EFCAB6: variants seen among roughly 807,000 people sequenced by gnomAD.
The protein encoded by EFCAB6 is EF-hand calcium binding domain 6.
A neutral mutation model predicts 169.8 loss-of-function variants in EFCAB6; 156 were observed. The observed-to-expected ratio is 0.92, with a 90% confidence interval of 0.81 to 1.05. EFCAB6 has a LOEUF of 1.05. Ranked by LOEUF, EFCAB6 falls within the 50% of genes least tolerant of loss-of-function variation. The probability of loss-of-function intolerance (pLI) is 0.00; values close to 1 mark genes in which losing one functional copy is unlikely to be tolerated. For synonymous variants in EFCAB6, 698 were observed against 676.4 expected (o/e 1.03, Z -0.50); for missense variants, 1,800 against 1,829.1 (o/e 0.98, Z 0.29).
Position 43,678,044 on chromosome 22 carries a change from T to C in EFCAB6, c.1371A>G (p.Gly457=), listed in dbSNP as rs1292545084. 6.2e-7 allele frequency: 1 copy of C among 1,614,112 alleles called. No individual in the cohort carries two copies. The part of the protein sequence containing the change: ...LMQMLDPGDT[G]VVNTSMFIDL... ...CAATAAACATGCTGGTGTTGACCAC[T>C]CCAGTGTCCCCAGGGTCAAGCATTT... Residue 457 remains glycine (G), a synonymous_variant, in exon 13 of 32, where the codon GGA becomes GGG. Coordinates refer to ENST00000262726, the MANE Select transcript of EFCAB6 (RefSeq NM_022785.4).
intron 26 of EFCAB6, among the ~76,000 whole-genome samples, chr22:43,557,609 T>C (rs528155466): frequency 6.4e-4 from 98 of 152,298 alleles, no homozygotes; most frequent in Admixed American, 1.2e-3. Context: ...CCTTAAGGGA[T>C]AGATAATTTT....
At chr22:43,705,226 A>G (rs2147312011) in intron 10 of EFCAB6, among the ~76,000 whole-genome samples, 1 of 152,292 alleles carries the variant, frequency 6.6e-6, no homozygotes, top group Non-Finnish European at 1.5e-5. Flanking sequence ...TAAATATATA[A>G]AGCAAATATT....
At chr22:43,716,399 A>C (rs2059334146) in intron 9 of EFCAB6, among the ~76,000 whole-genome samples, 1 of 152,108 alleles carries the variant, frequency 6.6e-6, no homozygotes, top group African/African-American at 2.4e-5. Context: ...ATATTGTCTT[A>C]ATTATTATGT....
At chr22:43,739,789 C>T (rs1374867303) in intron 6 of EFCAB6, among the ~76,000 whole-genome samples, 5 of 152,158 alleles carry the variant, frequency 3.3e-5, no homozygotes, top group African/African-American at 7.2e-5. Flanking sequence ...ACCCCCACCC[C>T]GCTTCTCCCC....
At position 43,784,582 on chromosome 22, in the gene EFCAB6, C is replaced by CAT. The variant is rs1268061914; in HGVS notation, c.-7-2259_-7-2258dup. ...ACACATATATATGTGTACATATACA[C>CAT]ATATATATGTATATATACACATATA... On this transcript the variant is annotated intron_variant, in intron 2 of 31. Transcript: ENST00000262726. Among the ~76,000 whole-genome samples, 539 of 59,142 alleles carry CAT rather than the reference C, an allele frequency of 9.1e-3. 45 individuals carry two copies. Among genetic ancestry groups the CAT allele is most frequent in the African/African-American group, 0.034 (497 of 14,462 alleles). 38.8% of individuals were successfully genotyped at this position (59,142 alleles called of 152,430 possible).
intron 11 of EFCAB6, 82 bp from the exon 12 acceptor site, chr22:43,683,937 C>G (rs1196394443): frequency 2.9e-6 from 3 of 1,038,106 alleles, no homozygotes; most frequent in South Asian, 2.7e-5. Flanking sequence ...AACAAGCACC[C>G]TCACCACAAT....
chr22:43,547,407 T>C (rs866915569), intron 27 of EFCAB6, among the ~76,000 whole-genome samples: 2 of 152,294 alleles, frequency 1.3e-5, no homozygotes, highest in Non-Finnish European at 1.5e-5. Flanking sequence ...AATAGATATA[T>C]AATTTCCAAA....
intron 8 of EFCAB6, among the ~76,000 whole-genome samples, chr22:43,727,918 T>G (rs1249531782): frequency 6.6e-6 from 1 of 152,128 alleles, no homozygotes; most frequent in Non-Finnish European, 1.5e-5. Flanking sequence ...AATTATACTT[T>G]AAGTTCTAGG....
At chr22:43,720,267 C>T (rs1008052257) in intron 8 of EFCAB6, among the ~76,000 whole-genome samples, 8 of 151,764 alleles carry the variant, frequency 5.3e-5, no homozygotes, top group Non-Finnish European at 1.2e-4. Context: ...CATGTAATCC[C>T]AGCACTTTGA....
At chr22:43,680,089 T>C (rs939929645) in intron 12 of EFCAB6, among the ~76,000 whole-genome samples, 3 of 152,210 alleles carry the variant, frequency 2.0e-5, no homozygotes, top group Admixed American at 1.3e-4. Flanking sequence ...GTTTTTCTTC[T>C]AAGAGTTTTA....
At chr22:43,633,120 C>T (rs894179012) in intron 18 of EFCAB6, among the ~76,000 whole-genome samples, 38 of 152,288 alleles carry the variant, frequency 2.5e-4, no homozygotes, top group African/African-American at 7.5e-4. Flanking sequence ...CAGGGGTCCC[C>T]GGCTCGCCTG....
intron 16 of EFCAB6, 70 bp from the exon 17 acceptor site, chr22:43,667,342 C>T: frequency 2.1e-5 from 32 of 1,543,128 alleles, no homozygotes; most frequent in Non-Finnish European, 2.8e-5. Flanking sequence ...CCAGACTGCA[C>T]CCATTTCCAT....
chr22:43,784,534 TGTG>T (rs2061950300), intron 2 of EFCAB6, among the ~76,000 whole-genome samples: 1 of 131,722 alleles, frequency 7.6e-6, no homozygotes, highest in African/African-American at 2.9e-5. Context: ...TGTGTGTGTG[TGTG>T]TGTGTGTATA....
chr22:43,685,561 A>G (rs1269328390), intron 11 of EFCAB6, among the ~76,000 whole-genome samples: 1 of 152,204 alleles, frequency 6.6e-6, no homozygotes, highest in African/African-American at 2.4e-5. Context: ...GTATATGAAG[A>G]GACGTCATTT....
chr22:43,542,401 G>A (rs950344364), intron 27 of EFCAB6, among the ~76,000 whole-genome samples: 6 of 152,188 alleles, frequency 3.9e-5, no homozygotes, highest in African/African-American at 1.4e-4. Flanking sequence ...CCAACATGGT[G>A]AAACCCCATC....
At chr22:43,726,814 G>A (rs2059754772) in intron 8 of EFCAB6, among the ~76,000 whole-genome samples, 1 of 152,202 alleles carries the variant, frequency 6.6e-6, no homozygotes, top group Non-Finnish European at 1.5e-5. Context: ...AAACAAAGAT[G>A]TCCCACCGCT....
intron 25 of EFCAB6, 62 bp from the exon 26 acceptor site, chr22:43,576,550 TTTCC>T (rs1231319113): frequency 1.4e-6 from 2 of 1,385,402 alleles, no homozygotes; most frequent in South Asian, 1.6e-5. Context: ...TCTAAAACAC[TTTCC>T]TTAAGTACTG....
At chr22:43,790,295 C>G (rs920290192) in intron 2 of EFCAB6, among the ~76,000 whole-genome samples, 1 of 152,200 alleles carries the variant, frequency 6.6e-6, no homozygotes, top group Admixed American at 6.5e-5. Flanking sequence ...TGAATCTTTA[C>G]AGAGGTAAAC....
intron 6 of EFCAB6, among the ~76,000 whole-genome samples, chr22:43,742,124 C>T (rs1254269442): frequency 6.6e-6 from 1 of 152,226 alleles, no homozygotes; most frequent in African/African-American, 2.4e-5. Flanking sequence ...TAACTCCCTT[C>T]ATTCCAGGTG....
Sources: gnomAD v4.1 joint callset for allele counts (sites outside exome capture counted in the v4.1 genomes callset) on GRCh38, gnomAD v4.1.1 for gene constraint, MANE v1.5 for transcripts, NCBI Gene and HGNC (gene_info 2026-07-23, HGNC 2026-07-21) for gene names.